The following CD3E variants were observed in gnomAD, a reference collection of about 807,000 sequenced individuals.
CD3E encodes the protein T-cell surface glycoprotein CD3 epsilon chain.
In CD3E, 16 loss-of-function variants were observed where a neutral mutation model predicts 34.7. The observed-to-expected ratio is 0.46, with a 90% confidence interval of 0.31 to 0.70. CD3E has a LOEUF of 0.70. CD3E is among the 30% of genes least tolerant of loss of function. CD3E has a pLI of 0.05. For synonymous variants in CD3E, 70 were observed against 90.8 expected, an observed-to-expected ratio of 0.77 and a Z score of 1.30; for missense variants, 223 against 253.9, an observed-to-expected ratio of 0.88 and a Z score of 0.83.
rs1945764 is a variant in CD3E, at chr11:118,312,086, G to A, written c.86-67G>A. ...GGCAGTGTCTAATTCCACTAGAAAAGTTTTACCTACAATTTAAACTTAAAC... is the reference window on the plus strand; with the variant it reads ...GGCAGTGTCTAATTCCACTAGAAAAATTTTACCTACAATTTAAACTTAAAC... On this transcript the variant is annotated intron_variant, in intron 4 of 8. Coordinates refer to ENST00000361763, the MANE Select transcript of CD3E (RefSeq NM_000733.4). The A allele has an allele frequency of 0.66, 949,662 of 1,445,182 alleles. 314,940 individuals are homozygous for A. The highest frequency in any genetic ancestry group is 0.74 in the South Asian group (65,116 of 87,464). 89.5% of individuals were successfully genotyped at this position (1,445,182 alleles called of 1,614,324 possible).
intron 8 of CD3E, 38 bp downstream of exon 8, chr11:118,314,532 G>T (rs761859233): frequency 5.7e-6 from 9 of 1,580,772 alleles, no homozygotes; most frequent in South Asian, 1.1e-5. Flanking sequence ...CGCTGGAGGG[G>T]ATGTCCCTCC....
intron 2 of CD3E, 54 bp from the exon 3 acceptor site, chr11:118,307,234 A>G: frequency 7.0e-7 from 1 of 1,421,536 alleles, no homozygotes; most frequent in Non-Finnish European, 9.9e-7. Flanking sequence ...CTGTTTAGGA[A>G]TGCAGGTACC....
rs1948147869 is a variant in CD3E at position 118,313,563 on chromosome 11, A to C, written c.353-144A>C. The C allele has an allele frequency of 3.9e-6, 3 of 773,020 alleles. No individual in the cohort carries two copies. The East Asian group carries it at 8.1e-5, about 21-fold the overall frequency. 47.9% of individuals were successfully genotyped at this position (773,020 alleles called of 1,614,324 possible). A position where few individuals can be genotyped will look rare whatever the true frequency, so the allele number is the denominator to read the frequency against. ...ACTCTTTGCTTGTCAATGTTGTTCT[A>C]AACATATTGAAGGGGGGGCTCTGAC... is the stretch of plus-strand genomic sequence containing the variant. On this transcript the variant is annotated intron_variant, in intron 6 of 8. Coordinates refer to ENST00000361763, the MANE Select transcript of CD3E (RefSeq NM_000733.4).
chr11:118,310,275 C>T (rs1948128677), intron 4 of CD3E, among the ~76,000 whole-genome samples: 1 of 152,226 alleles, frequency 6.6e-6, no homozygotes, highest in African/African-American at 2.4e-5. Flanking sequence ...TCTCCCTCCT[C>T]CCACCCTCCA....
rs534344418 is a variant in CD3E, at chr11:118,315,829, C to T, written c.*287C>T. The T allele has an allele frequency of 2.5e-5, 14 of 556,878 alleles. No individual in the cohort carries two copies. The highest frequency in any genetic ancestry group is 4.2e-5 in the Non-Finnish European group (13 of 310,916). 34.5% of individuals were successfully genotyped at this position (556,878 alleles called of 1,614,324 possible). A position where few individuals can be genotyped will look rare whatever the true frequency, so the allele number is the denominator to read the frequency against. Reference sequence around the variant, plus strand: ...GGATATTTATTTGTGCTATTCACTCCCTTCCCTTTGGATGTAACTTCTCCG... The same window carrying T: ...GGATATTTATTTGTGCTATTCACTCTCTTCCCTTTGGATGTAACTTCTCCG... On this transcript the variant is annotated 3_prime_UTR_variant, in exon 9 of 9. Transcript: ENST00000361763.
intron 3 of CD3E, among the ~76,000 whole-genome samples, chr11:118,307,598 A>G (rs2134761804): frequency 6.6e-6 from 1 of 152,324 alleles, no homozygotes; most frequent in East Asian, 1.9e-4. Context: ...TTCATATTTG[A>G]TGTGAGATTC....
At chr11:118,310,700 A>G (rs925227793) in intron 4 of CD3E, among the ~76,000 whole-genome samples, 7 of 152,110 alleles carry the variant, frequency 4.6e-5, no homozygotes, top group Non-Finnish European at 1.0e-4. Flanking sequence ...TTTTCTTTAC[A>G]TTTTTTTCAA....
Position 118,313,700 on chromosome 11 carries a change from C to A in CD3E, c.353-7C>A, listed in dbSNP as rs1415731209. ...GATTTCCCCTCTCCCCACCCCACCC[C>A]CCACAGTGTGTGAGAACTGCATGGA... On this transcript the variant is annotated splice_region_variant and splice_polypyrimidine_tract_variant and intron_variant, in intron 6 of 8. Transcript: ENST00000361763. 2 of 1,613,876 alleles carry A rather than the reference C, an allele frequency of 1.2e-6. No homozygotes were observed. Among genetic ancestry groups the A allele is most frequent in the South Asian group, 2.2e-5 (2 of 91,058 alleles).
intron 6 of CD3E, 36 bp from the exon 7 acceptor site, chr11:118,313,671 T>G: frequency 6.2e-7 from 1 of 1,607,548 alleles, no homozygotes; most frequent in South Asian, 1.1e-5. Context: ...TTTCCTTGCT[T>G]AGTGATTTCC....
At position 118,314,618 on chromosome 11, in the gene CD3E, T is replaced by A. The variant is rs995248182; in HGVS notation, c.567+124T>A. 4.8e-6 allele frequency: 4 copies of A among 828,692 alleles called. No homozygotes were observed. In the African/African-American group the frequency reaches 6.7e-5, roughly 14 times the overall value. 51.3% of individuals were successfully genotyped at this position (828,692 alleles called of 1,614,324 possible). A position where few individuals can be genotyped will look rare whatever the true frequency, so the allele number is the denominator to read the frequency against. The stretch of plus-strand genomic sequence containing the variant: ...AAAGCCCCTCACTCAGGGCTTCCAT[T>A]ACAACCCTCTATGTGCCACCTCTGC... On this transcript the variant is annotated intron_variant, in intron 8 of 8. Transcript: ENST00000361763.
chr11:118,313,239 T>C (rs1399735399), intron 6 of CD3E: 1 of 364,618 alleles, frequency 2.7e-6, no homozygotes, highest in Non-Finnish European at 5.2e-6. Context: ...AAGGCCACTA[T>C]AGTAAAATGG....
chr11:118,308,868 T>G (rs1948121258), intron 4 of CD3E, among the ~76,000 whole-genome samples: 1 of 152,142 alleles, frequency 6.6e-6, no homozygotes, highest in Non-Finnish European at 1.5e-5. Flanking sequence ...AGACAAATAA[T>G]TGAAAATATA....
chr11:118,314,311 C>T (rs774670298), intron 7 of CD3E, 137 bp from the exon 8 acceptor site: 25 of 737,564 alleles, frequency 3.4e-5, no homozygotes, highest in East Asian at 8.1e-5. Context: ...AGAGAAAGGA[C>T]GTCTGAACAG....
At chr11:118,312,127 C>T (rs1948138701) in intron 4 of CD3E, 26 bp from the exon 5 acceptor site, 1 of 1,603,794 alleles carries the variant, frequency 6.2e-7, no homozygotes. Context: ...TATTTTCTTA[C>T]TGCTGTTTCC....
intron 4 of CD3E, 69 bp from the exon 5 acceptor site, chr11:118,312,084 A>C: frequency 2.1e-6 from 3 of 1,408,960 alleles, no homozygotes; most frequent in Non-Finnish European, 3.0e-6. Context: ...TCCACTAGAA[A>C]AGTTTTACCT....
intron 4 of CD3E, among the ~76,000 whole-genome samples, chr11:118,310,881 G>C (rs549475836): frequency 5.3e-5 from 8 of 152,230 alleles, no homozygotes; most frequent in Non-Finnish European, 1.0e-4. Flanking sequence ...GAAAAACCTG[G>C]AGAATGTTTT....
intron 3 of CD3E, among the ~76,000 whole-genome samples, chr11:118,308,042 G>A (rs11601508): frequency 0.036 from 5,428 of 152,202 alleles, 138 homozygotes; most frequent in African/African-American, 0.062. Context: ...GGTGGTGTAC[G>A]CCTGTAGTCC....
chr11:118,314,711 C>T (rs1414284203), intron 8 of CD3E, among the ~76,000 whole-genome samples: 9 of 152,152 alleles, frequency 5.9e-5, no homozygotes, highest in Non-Finnish European at 1.2e-4. Flanking sequence ...GAGGTGGAAG[C>T]TTGCAGGAGA....
At chr11:118,305,522 A>AT (rs566281139) in intron 2 of CD3E, among the ~76,000 whole-genome samples, 390 of 152,334 alleles carry the variant, frequency 2.6e-3, no homozygotes, top group African/African-American at 8.9e-3. Flanking sequence ...AACCAAGAGC[A>AT]TTTCTGTATC....
Sources: gnomAD v4.1 joint callset for allele counts (sites outside exome capture counted in the v4.1 genomes callset) on GRCh38, gnomAD v4.1.1 for gene constraint, MANE v1.5 for transcripts, NCBI Gene and HGNC (gene_info 2026-07-23, HGNC 2026-07-21) for gene names.